Variants in RFC1 observed in about 807,000 individuals in gnomAD.
The protein encoded by RFC1 is A1 140 kDa subunit.
Under a neutral mutation model 137.4 loss-of-function variants are expected in RFC1, and 37 were observed. That is an observed-to-expected ratio of 0.27 (90% CI 0.21 to 0.35). RFC1 has a LOEUF of 0.35. Among genes scored for constraint, RFC1 ranks in the 10% least tolerant of loss-of-function variants. The pLI is 1.00. For synonymous variants in RFC1, 429 were observed against 455.7 expected (o/e 0.94, Z 0.75); for missense variants, 1,205 against 1,358.5 (o/e 0.89, Z 1.78).
chr4:39,357,775 C>A (rs1032684202), intron 1 of RFC1, among the ~76,000 whole-genome samples: 29 of 152,048 alleles, frequency 1.9e-4, no homozygotes, highest in African/African-American at 7.0e-4. Context: ...CATCACCATA[C>A]CCAGCTAATT....
At chr4:39,360,731 T>G (rs898436436) in intron 1 of RFC1, among the ~76,000 whole-genome samples, 1 of 151,840 alleles carries the variant, frequency 6.6e-6, no homozygotes, top group African/African-American at 2.4e-5. Flanking sequence ...CGAGACTCTG[T>G]CTCAGAAAAA....
chr4:39,348,458 A>AGGAAAG (rs1741008663), intron 2 of RFC1, among the ~76,000 whole-genome samples: 1 of 131,120 alleles, frequency 7.6e-6, no homozygotes. Flanking sequence ...AGAAAAGAAA[A>AGGAAAG]GAAAAGAAAA....
chr4:39,333,962 T>C lies in RFC1; in HGVS notation c.332-6206A>G, dbSNP rs3796516. ...GTTAAACAAAAAGTGCAAATAAGGC[T>C]CCTTTTCTCTGTTAACTACAAAATA... is the stretch of plus-strand genomic sequence containing the variant. On this transcript the variant is annotated intron_variant, in intron 4 of 24. Coordinates refer to ENST00000349703, the MANE Select transcript of RFC1 (RefSeq NM_002913.5). Among the ~76,000 whole-genome samples the C allele has an allele frequency of 9.2e-5, 14 of 152,240 alleles. No individual in the cohort carries two copies. In the East Asian group the frequency reaches 2.5e-3, roughly 27 times the overall value.
At chr4:39,336,410 C>A (rs1456554179) in intron 4 of RFC1, among the ~76,000 whole-genome samples, 1 of 152,240 alleles carries the variant, frequency 6.6e-6, no homozygotes, top group Non-Finnish European at 1.5e-5. Context: ...ATATGGCACT[C>A]AACTGAAGTA....
chr4:39,317,239 C>A (rs1739283442), intron 9 of RFC1, among the ~76,000 whole-genome samples: 1 of 152,158 alleles, frequency 6.6e-6, no homozygotes, highest in African/African-American at 2.4e-5. Context: ...CTCTCTAAAG[C>A]CACACACCTC....
intron 22 of RFC1, among the ~76,000 whole-genome samples, chr4:39,293,872 C>G (rs978147878): frequency 5.9e-5 from 9 of 152,180 alleles, no homozygotes; most frequent in Non-Finnish European, 1.2e-4. Context: ...GCAGCCGCAG[C>G]CTTGCCAATG....
chr4:39,347,904 GT>G lies in RFC1; in HGVS notation c.133-2429del, dbSNP rs546431598. On this transcript the variant is annotated intron_variant, in intron 2 of 24. Coordinates refer to ENST00000349703, the MANE Select transcript of RFC1 (RefSeq NM_002913.5). ...ATAAAGTGGCACAGAACTTGGCCAA[GT>G]TGTGTCCTAGTGCTTTGTGAAAGAT... is the stretch of plus-strand genomic sequence containing the variant. 1.6e-3 allele frequency among the ~76,000 whole-genome samples: 249 copies of G among 152,346 alleles called. 1 individual carries two copies. Among genetic ancestry groups the G allele is most frequent in the African/African-American group, 5.7e-3 (237 of 41,584 alleles).
At chr4:39,295,443 G>C (rs1410003300) in intron 22 of RFC1, among the ~76,000 whole-genome samples, 171 bp downstream of exon 22, 1 of 152,126 alleles carries the variant, frequency 6.6e-6, no homozygotes, top group Non-Finnish European at 1.5e-5. Flanking sequence ...ACTGATTACA[G>C]ATGATAAAAC....
chr4:39,316,303 A>G (rs1412658624), intron 10 of RFC1, among the ~76,000 whole-genome samples: 3 of 152,146 alleles, frequency 2.0e-5, no homozygotes, highest in African/African-American at 7.2e-5. Flanking sequence ...ATGTGATCCT[A>G]TTAACCTCTT....
Position 39,291,669 on chromosome 4 carries a change from T to C in RFC1, c.3138A>G (p.Lys1046=). The change falls in exon 23 of 25, where the codon AAA becomes AAG. Residue 1046 remains lysine (K), a synonymous_variant. Transcript: ENST00000349703. ...NIMEISSWGG[K]PSPFSKLDPK... ...GATCCAGCTTTGAAAAGGGACTAGGTTTGCCACCCCAGCTGCTGATTTCCA... is the reference window on the plus strand; with the variant it reads ...GATCCAGCTTTGAAAAGGGACTAGGCTTGCCACCCCAGCTGCTGATTTCCA... The C allele has an allele frequency of 6.2e-7, 1 of 1,614,084 alleles. No homozygotes were observed. Among genetic ancestry groups the C allele is most frequent in the Non-Finnish European group, 8.5e-7 (1 of 1,179,942 alleles).
intron 4 of RFC1, among the ~76,000 whole-genome samples, chr4:39,328,997 C>T (rs71606154): frequency 1.3e-5 from 2 of 151,556 alleles, no homozygotes; most frequent in Non-Finnish European, 2.9e-5. Flanking sequence ...TTTTATTTTT[C>T]TAAAAAGTTT....
intron 22 of RFC1, among the ~76,000 whole-genome samples, chr4:39,293,539 A>AG: frequency 6.6e-6 from 1 of 152,186 alleles, no homozygotes; most frequent in Non-Finnish European, 1.5e-5. Flanking sequence ...GGACCTACAA[A>AG]AAGTTCAGTG....
At chr4:39,304,690 C>T in intron 15 of RFC1, 124 bp downstream of exon 15, 1 of 700,318 alleles carries the variant, frequency 1.4e-6, no homozygotes, top group Non-Finnish European at 2.6e-6. Flanking sequence ...TTCTTATTCT[C>T]TTGTTAGCCC....
intron 5 of RFC1, among the ~76,000 whole-genome samples, chr4:39,326,902 A>G (rs974132345): frequency 1.3e-5 from 2 of 152,204 alleles, no homozygotes; most frequent in Non-Finnish European, 2.9e-5. Context: ...TAAAAATAAA[A>G]AAACCCAATC....
intron 11 of RFC1, 96 bp from the exon 12 acceptor site, chr4:39,311,645 G>A: frequency 4.3e-6 from 3 of 705,510 alleles, no homozygotes; most frequent in South Asian, 2.2e-5. Flanking sequence ...ATTAGTAGGT[G>A]AAAAACCACA....
chr4:39,331,543 CAG>C (rs1459928787), intron 4 of RFC1, among the ~76,000 whole-genome samples: 2 of 151,958 alleles, frequency 1.3e-5, no homozygotes, highest in Admixed American at 6.6e-5. Context: ...GCAGTACAAA[CAG>C]AGAGATGTGA....
intron 9 of RFC1, among the ~76,000 whole-genome samples, chr4:39,318,834 C>A (rs2109662236): frequency 6.6e-6 from 1 of 152,306 alleles, no homozygotes; most frequent in East Asian, 1.9e-4. Context: ...CACTGTTCTG[C>A]ACTAAAATAT....
chr4:39,349,992 A>T (rs1352162012), intron 2 of RFC1, among the ~76,000 whole-genome samples: 1 of 152,260 alleles, frequency 6.6e-6, no homozygotes, highest in East Asian at 1.9e-4. Context: ...CAATGAGAGC[A>T]AAACTCCATC....
At chr4:39,311,967 T>C (rs1223933471) in intron 11 of RFC1, among the ~76,000 whole-genome samples, 2 of 152,174 alleles carry the variant, frequency 1.3e-5, no homozygotes, top group Non-Finnish European at 2.9e-5. Context: ...TGATGAATGA[T>C]GACTGGTCCA....
Sources: gnomAD v4.1 joint callset for allele counts (sites outside exome capture counted in the v4.1 genomes callset) on GRCh38, gnomAD v4.1.1 for gene constraint, MANE v1.5 for transcripts, NCBI Gene and HGNC (gene_info 2026-07-23, HGNC 2026-07-21) for gene names.